TTC7A: variants seen among roughly 807,000 people sequenced by gnomAD.
TTC7A encodes the protein tetratricopeptide repeat protein 7A.
TTC7A carries 110 observed loss-of-function variants against 103.7 expected under a neutral mutation model. That is an observed-to-expected ratio of 1.06 (90% confidence interval 0.91 to 1.24). The LOEUF is 1.24. TTC7A is among the 50% of genes most tolerant of loss of function. The pLI, the probability that TTC7A is intolerant of heterozygous loss-of-function variation, is 0.00. For synonymous variants in TTC7A, 521 were observed against 467.9 expected (o/e 1.11, Z -1.47); for missense variants, 1,340 against 1,116.3 (o/e 1.20, Z -2.86).
intron 18 of TTC7A, among the ~76,000 whole-genome samples, chr2:47,052,545 C>A (rs1207540217): frequency 6.6e-6 from 1 of 152,160 alleles, no homozygotes; most frequent in African/African-American, 2.4e-5. Flanking sequence ...GCAGCATGGC[C>A]CCACGGACAG....
chr2:47,021,331 G>A (rs1679250830), intron 11 of TTC7A, among the ~76,000 whole-genome samples: 1 of 152,202 alleles, frequency 6.6e-6, no homozygotes, highest in African/African-American at 2.4e-5. Context: ...CATGTCATGT[G>A]GTGATGTGTG....
At chr2:47,057,089 G>C (rs1035903367) in intron 18 of TTC7A, among the ~76,000 whole-genome samples, 1 of 152,250 alleles carries the variant, frequency 6.6e-6, no homozygotes, top group African/African-American at 2.4e-5. Flanking sequence ...GGCTACTGCA[G>C]CTATCTGACC....
chr2:47,070,898 C>T (rs1197905901), intron 19 of TTC7A, among the ~76,000 whole-genome samples: 2 of 152,194 alleles, frequency 1.3e-5, no homozygotes, highest in Non-Finnish European at 2.9e-5. Flanking sequence ...ATGGCATCTC[C>T]CAAGGGACGG....
At chr2:47,031,176 T>A (rs1474338264) in intron 15 of TTC7A, among the ~76,000 whole-genome samples, 1 of 152,126 alleles carries the variant, frequency 6.6e-6, no homozygotes, top group East Asian at 1.9e-4. Context: ...ACTGCTAAAA[T>A]TCCAGTCACT....
chr2:47,035,937 C>T (rs1681055475), intron 15 of TTC7A, among the ~76,000 whole-genome samples: 1 of 152,222 alleles, frequency 6.6e-6, no homozygotes, highest in Non-Finnish European at 1.5e-5. Context: ...GCAATTGCTT[C>T]TTTGTGTCTC....
intron 3 of TTC7A, among the ~76,000 whole-genome samples, chr2:46,969,616 A>G (rs1320250208): frequency 1.3e-5 from 2 of 151,926 alleles, no homozygotes; most frequent in Non-Finnish European, 1.5e-5. Context: ...GGGTTTCACC[A>G]TGCTGGCCAG....
In TTC7A at chr2:46,917,172, C is replaced by G. The variant is rs1483441340; in HGVS notation, c.-12-12C>G. 1.9e-5 allele frequency: 13 copies of G among 696,522 alleles called. No homozygotes were observed. The African/African-American group carries it at 2.1e-4, about 11-fold the overall frequency. The allele number at this position is 696,522 out of a possible 1,614,324, so 43.1% of individuals were successfully genotyped here. A position where few individuals can be genotyped will look rare whatever the true frequency, so the allele number is the denominator to read the frequency against. ...ATCCCATAATCCCTAATTTTTTTTT[C>G]TTTTTTTAAAGAAAAGAGTCTCCAT... is the stretch of plus-strand genomic sequence containing the variant. On this transcript the variant is annotated splice_polypyrimidine_tract_variant and intron_variant, in intron 1 of 20. Transcript: ENST00000409245.
At chr2:47,072,112 G>T (rs1276511714) in intron 19 of TTC7A, among the ~76,000 whole-genome samples, 2 of 152,202 alleles carry the variant, frequency 1.3e-5, no homozygotes, top group Non-Finnish European at 1.5e-5. Flanking sequence ...GTCTGGTGTG[G>T]GTGGAACAGC....
At chr2:46,969,639 C>A (rs1185526094) in intron 3 of TTC7A, among the ~76,000 whole-genome samples, 3 of 151,994 alleles carry the variant, frequency 2.0e-5, no homozygotes, top group Non-Finnish European at 4.4e-5. Flanking sequence ...TGGTCTCAAT[C>A]TGACCTCGTG....
intron 3 of TTC7A, among the ~76,000 whole-genome samples, chr2:46,960,922 C>G (rs912738455): frequency 2.0e-5 from 3 of 152,234 alleles, no homozygotes; most frequent in Non-Finnish European, 4.4e-5. Flanking sequence ...GGGCTACAGC[C>G]CTGGTGAAGC....
At chr2:47,057,693 C>T (rs531025351) in intron 18 of TTC7A, among the ~76,000 whole-genome samples, 53 of 152,184 alleles carry the variant, frequency 3.5e-4, no homozygotes, top group Non-Finnish European at 5.7e-4. Flanking sequence ...CTTCCTTCTG[C>T]TTCTCCTCTC....
intron 15 of TTC7A, 58 bp downstream of exon 15, chr2:47,029,442 GCCCA>G: frequency 6.3e-7 from 1 of 1,586,024 alleles, no homozygotes; most frequent in Non-Finnish European, 8.6e-7. Flanking sequence ...TGCAGCAGGC[GCCCA>G]TGCACACCTG....
At chr2:47,058,216 G>T (rs112025050) in intron 18 of TTC7A, among the ~76,000 whole-genome samples, 5 of 152,104 alleles carry the variant, frequency 3.3e-5, no homozygotes, top group African/African-American at 9.7e-5. Context: ...ACTAGAGCCC[G>T]CATTTCTCTC....
intron 18 of TTC7A, among the ~76,000 whole-genome samples, chr2:47,057,942 C>T (rs1034493778): frequency 6.6e-6 from 1 of 152,216 alleles, no homozygotes; most frequent in Non-Finnish European, 1.5e-5. Flanking sequence ...GCTGCTCCCA[C>T]TCCTGTCCCC....
At chr2:46,944,656 G>C (rs1670778351) in intron 1 of TTC7A, among the ~76,000 whole-genome samples, 1 of 152,114 alleles carries the variant, frequency 6.6e-6, no homozygotes, top group African/African-American at 2.4e-5. Context: ...CCAGGAGTTC[G>C]AGATCAGCCC....
At chr2:46,991,926 T>C (rs900554713) in intron 5 of TTC7A, among the ~76,000 whole-genome samples, 1 of 152,196 alleles carries the variant, frequency 6.6e-6, no homozygotes, top group Admixed American at 6.5e-5. Context: ...TCCATCTTGC[T>C]TGCGTGTCCT....
At chr2:46,978,950 G>A (rs1292092127) in intron 5 of TTC7A, 43 bp downstream of exon 5, 3 of 1,447,968 alleles carry the variant, frequency 2.1e-6, no homozygotes, top group African/African-American at 1.4e-5. Flanking sequence ...CGATTCCCCT[G>A]GGCTGAGGCT....
chr2:46,986,513 G>A (rs938272217), intron 5 of TTC7A, among the ~76,000 whole-genome samples: 3 of 152,152 alleles, frequency 2.0e-5, no homozygotes, highest in African/African-American at 7.2e-5. Flanking sequence ...TCTGTGCTGG[G>A]GGGGAAAGAG....
Position 47,021,889 on chromosome 2 carries a change from A to G in TTC7A, c.1420A>G (p.Met474Val). The G allele has an allele frequency of 6.2e-7, 1 of 1,614,186 alleles. No individual in the cohort carries two copies. Among genetic ancestry groups the G allele is most frequent in the Non-Finnish European group, 8.5e-7 (1 of 1,180,004 alleles). ...AGAGGAAGCAGAGCACTTTGCCATGATGGTGATCAGCCTCGGAGAGGAAGC... is the reference window on the plus strand; with the variant it reads ...AGAGGAAGCAGAGCACTTTGCCATGGTGGTGATCAGCCTCGGAGAGGAAGC... ...WLEEAEHFAM[M>V]VISLGEEAGE... The change falls in exon 12 of 20, where the codon ATG becomes GTG. Residue 474 changes from methionine to valine, a missense_variant. Met to Val is a conservative substitution (Grantham distance 21). Transcript: ENST00000319190.
Sources: gnomAD v4.1 joint callset for allele counts (sites outside exome capture counted in the v4.1 genomes callset) on GRCh38, gnomAD v4.1.1 for gene constraint, MANE v1.5 for transcripts, NCBI Gene and HGNC (gene_info 2026-07-23, HGNC 2026-07-21) for gene names.